The following N4BP2 variants were observed in gnomAD, a reference collection of about 807,000 sequenced individuals.
N4BP2 encodes the protein NEDD4 binding protein 2.
N4BP2 carries 91 observed loss-of-function variants against 152.8 expected under a neutral mutation model. That is an observed-to-expected ratio of 0.60 (90% CI 0.50 to 0.71). The LOEUF is 0.71. N4BP2 is among the 30% of genes least tolerant of loss of function. The pLI, the probability that N4BP2 is intolerant of heterozygous loss-of-function variation, is 0.00. For missense variants in N4BP2, 1,923 were observed against 2,059.1 expected (o/e 0.93, Z 1.28); for synonymous variants, 646 against 705.3 (o/e 0.92, Z 1.33).
the N4BP2 span, among the ~76,000 whole-genome samples, chr4:40,188,245 A>G: frequency 1.3e-5 from 2 of 152,182 alleles, no homozygotes. Context: ...AAGGATACCA[A>G]AGATATTGGC....
intron 4 of N4BP2, among the ~76,000 whole-genome samples, chr4:40,106,507 G>C (rs1716304685): frequency 6.6e-6 from 1 of 151,764 alleles, no homozygotes; most frequent in South Asian, 2.1e-4. Context: ...TGTATAGTTG[G>C]GTTCTTGCTA....
At chr4:40,130,884 G>T (rs879351282) in intron 12 of N4BP2, among the ~76,000 whole-genome samples, 9 of 152,078 alleles carry the variant, frequency 5.9e-5, no homozygotes, top group Non-Finnish European at 2.9e-5. Flanking sequence ...CAATGTTTAA[G>T]AATATTTATT....
intron 2 of N4BP2, among the ~76,000 whole-genome samples, chr4:40,092,417 A>G (rs566034409): frequency 4.6e-5 from 7 of 151,720 alleles, no homozygotes; most frequent in African/African-American, 1.4e-4. Flanking sequence ...TAAATTGTCA[A>G]ACTTTTGTGT....
chr4:40,108,296 T>G (rs1254834538), intron 5 of N4BP2, among the ~76,000 whole-genome samples: 1 of 151,810 alleles, frequency 6.6e-6, no homozygotes, highest in African/African-American at 2.4e-5. Flanking sequence ...AGTTAACCAC[T>G]GGTTTTCCTT....
rs757784184 is a variant in N4BP2, at chr4:40,137,165, A to G, written c.4785+83A>G. The G allele has an allele frequency of 1.7e-5, 19 of 1,107,984 alleles. 1 individual carries two copies. The highest frequency in any genetic ancestry group is 4.2e-4 in the Middle Eastern group (2 of 4,708). 68.6% of individuals were successfully genotyped at this position (1,107,984 alleles called of 1,614,324 possible). A position where few individuals can be genotyped will look rare whatever the true frequency, so the allele number is the denominator to read the frequency against. The stretch of plus-strand genomic sequence containing the variant: ...TTGGTTCATTGAGTATAATAATTTA[A>G]TGATTATTTCTCACCATTTTGACTA... On this transcript the variant is annotated intron_variant, in intron 14 of 17. Transcript: ENST00000261435.
At chr4:40,125,078 C>G (rs201788833) in intron 11 of N4BP2, among the ~76,000 whole-genome samples, 1 of 152,186 alleles carries the variant, frequency 6.6e-6, no homozygotes, top group African/African-American at 2.4e-5. Flanking sequence ...CCTCTGTTGT[C>G]CAGTCCACAC....
the N4BP2 span, among the ~76,000 whole-genome samples, chr4:40,183,289 C>G: frequency 6.6e-6 from 1 of 151,742 alleles, no homozygotes; most frequent in Non-Finnish European, 1.5e-5. Context: ...ATACAGTATT[C>G]TACATTTTTG....
chr4:40,161,959 T>A (rs148598918), downstream of N4BP2, among the ~76,000 whole-genome samples: 299 of 152,266 alleles, frequency 2.0e-3, no homozygotes, highest in African/African-American at 6.8e-3. Context: ...GCCACAGCTG[T>A]CTCTTAACCA....
At chr4:40,148,543 G>A (rs1306871542) in intron 16 of N4BP2, among the ~76,000 whole-genome samples, 2 of 152,152 alleles carry the variant, frequency 1.3e-5, no homozygotes, top group Non-Finnish European at 2.9e-5. Context: ...AGATCATACA[G>A]GATTTGTCTT....
chr4:40,160,747 A>T (rs2109304700), downstream of N4BP2, among the ~76,000 whole-genome samples: 1 of 152,286 alleles, frequency 6.6e-6, no homozygotes, highest in East Asian at 1.9e-4. Flanking sequence ...CTAAACACAC[A>T]CTAAAAACAC....
At chr4:40,158,884 A>G (rs1290577889), downstream of N4BP2, among the ~76,000 whole-genome samples, 1 of 152,170 alleles carries the variant, frequency 6.6e-6, no homozygotes, top group Non-Finnish European at 1.5e-5. Flanking sequence ...AGGACTTAAA[A>G]ACATTTATCT....
At chr4:40,127,108 C>T (rs186120586) in intron 12 of N4BP2, among the ~76,000 whole-genome samples, 1 of 152,018 alleles carries the variant, frequency 6.6e-6, no homozygotes, top group Non-Finnish European at 1.5e-5. Context: ...CCAGGCTGGT[C>T]TCGAGTTCTG....
At chr4:40,141,657 G>A (rs1719981989) in intron 14 of N4BP2, among the ~76,000 whole-genome samples, 2 of 152,066 alleles carry the variant, frequency 1.3e-5, no homozygotes, top group Non-Finnish European at 2.9e-5. Flanking sequence ...CGGCCAGGCA[G>A]AGACGCTCCT....
chr4:40,117,666 TG>T (rs373390043), intron 7 of N4BP2, among the ~76,000 whole-genome samples: 99 of 151,304 alleles, frequency 6.5e-4, no homozygotes, highest in African/African-American at 2.3e-3. Context: ...TTTTTTTCTT[TG>T]TTTGAACTTA....
rs1439504725 is a variant in N4BP2 at position 40,124,302 on chromosome 4, T to C, written c.4330+97T>C. On this transcript the variant is annotated intron_variant, in intron 11 of 17. Coordinates refer to ENST00000261435, the MANE Select transcript of N4BP2 (RefSeq NM_018177.6). Reference sequence around the variant, plus strand: ...TCTAAATTACTTCCACAAAATACGGTACCCACAAATTTTGATTTGCAAATA... The same window carrying C: ...TCTAAATTACTTCCACAAAATACGGCACCCACAAATTTTGATTTGCAAATA... 4 of 725,376 alleles carry C rather than the reference T, an allele frequency of 5.5e-6. No individual in the cohort carries two copies. In the East Asian group the frequency reaches 1.1e-4, roughly 20 times the overall value. The allele number at this position is 725,376 out of a possible 1,614,324, so 44.9% of individuals were successfully genotyped here.
chr4:40,093,889 C>T (rs895613069), intron 2 of N4BP2, among the ~76,000 whole-genome samples: 7 of 152,026 alleles, frequency 4.6e-5, no homozygotes, highest in African/African-American at 9.7e-5. Flanking sequence ...TGTGAGCCAC[C>T]GCGCCCAGCT....
chr4:40,100,986 G>A (rs1274982986), intron 3 of N4BP2, among the ~76,000 whole-genome samples: 1 of 151,930 alleles, frequency 6.6e-6, no homozygotes, highest in Non-Finnish European at 1.5e-5. Context: ...TCACCCAATC[G>A]ACCTCCTTCT....
chr4:40,147,874 T>A (rs1040415463), intron 16 of N4BP2, among the ~76,000 whole-genome samples: 2 of 139,748 alleles, frequency 1.4e-5, no homozygotes, highest in Non-Finnish European at 3.1e-5. Flanking sequence ...GCAGAGGCGC[T>A]CCTCACATCC....
chr4:40,183,770 T>TA, the N4BP2 span, among the ~76,000 whole-genome samples: 1 of 152,198 alleles, frequency 6.6e-6, no homozygotes, highest in Admixed American at 6.5e-5. Flanking sequence ...TCTCACATAA[T>TA]AAAAAGTAAG....
Sources: allele counts gnomAD v4.1 joint callset (sites outside exome capture counted in the v4.1 genomes callset), GRCh38; gene constraint gnomAD v4.1.1; transcripts MANE v1.5; gene names NCBI Gene and HGNC (gene_info 2026-07-23, HGNC 2026-07-21).